Variants in DAB1 observed in about 807,000 individuals in gnomAD.
DAB1 encodes the protein DAB adaptor protein 1.
In DAB1, 15 loss-of-function variants were observed where a neutral mutation model predicts 64.6. That is an observed-to-expected ratio of 0.23 (90% CI 0.16 to 0.36). DAB1 has a LOEUF of 0.36. Ranked by LOEUF, DAB1 falls within the 10% of genes least tolerant of loss-of-function variation. DAB1 has a pLI of 1.00. For missense variants in DAB1, 596 were observed against 706.7 expected (o/e 0.84, Z 1.78); for synonymous variants, 235 against 251.9 (o/e 0.93, Z 0.64).
intron 1 of DAB1, among the ~76,000 whole-genome samples, chr1:57,361,231 A>G (rs74763117): frequency 0.083 from 12,712 of 152,252 alleles, 592 homozygotes; most frequent in Middle Eastern, 0.12. Context: ...GAATGTACTC[A>G]GTGTCTGGAT....
chr1:57,658,800 C>A (rs780390892), intron 6 of DAB1, among the ~76,000 whole-genome samples: 18 of 152,106 alleles, frequency 1.2e-4, no homozygotes, highest in Non-Finnish European at 2.4e-4. Flanking sequence ...CAACTCCTGG[C>A]CCCAAGCAGA....
intron 3 of DAB1, among the ~76,000 whole-genome samples, chr1:58,473,103 A>G (rs1241148667): frequency 3.9e-5 from 6 of 152,226 alleles, no homozygotes; most frequent in Non-Finnish European, 7.3e-5. Flanking sequence ...CAAACCATCC[A>G]ACCAGCCAGA....
At chr1:57,477,724 G>A (rs971377886) in intron 7 of DAB1, among the ~76,000 whole-genome samples, 4 of 152,226 alleles carry the variant, frequency 2.6e-5, no homozygotes, top group Middle Eastern at 3.4e-3. Context: ...TTAAGGGTTG[G>A]GGCGATCACT....
At chr1:57,036,380 A>G (rs79306862) in intron 9 of DAB1, among the ~76,000 whole-genome samples, 88 of 152,004 alleles carry the variant, frequency 5.8e-4, no homozygotes, top group Non-Finnish European at 1.1e-3. Context: ...TTACTGTTCT[A>G]ACTCTGGCTC....
intron 2 of DAB1, among the ~76,000 whole-genome samples, chr1:57,265,661 G>T (rs554156129): frequency 1.3e-5 from 2 of 152,256 alleles, no homozygotes; most frequent in South Asian, 4.1e-4. Flanking sequence ...TCTCATTGTA[G>T]ATTAATTTTG....
At chr1:57,558,141 G>A (rs893063054) in intron 7 of DAB1, among the ~76,000 whole-genome samples, 9 of 152,146 alleles carry the variant, frequency 5.9e-5, no homozygotes, top group Admixed American at 5.9e-4. Flanking sequence ...GATGAAGCTG[G>A]GGACACTGAG....
chr1:58,376,195 T>C (rs1377400842), intron 3 of DAB1, among the ~76,000 whole-genome samples: 2 of 149,932 alleles, frequency 1.3e-5, no homozygotes, highest in Non-Finnish European at 3.0e-5. Context: ...CTGCTCTGAT[T>C]TTAGTTATTT....
chr1:57,639,895 T>C (rs1031583076), intron 7 of DAB1, among the ~76,000 whole-genome samples: 1 of 152,194 alleles, frequency 6.6e-6, no homozygotes, highest in South Asian at 2.1e-4. Context: ...GCCATCTTTC[T>C]AAAATTGTAA....
intron 2 of DAB1, among the ~76,000 whole-genome samples, chr1:57,257,718 A>G (rs992419076): frequency 6.6e-6 from 1 of 152,218 alleles, no homozygotes; most frequent in Non-Finnish European, 1.5e-5. Context: ...ACGTTAAGTT[A>G]TCATGAGGGC....
At chr1:57,406,074 C>T (rs1683612768) in intron 1 of DAB1, among the ~76,000 whole-genome samples, 1 of 152,194 alleles carries the variant, frequency 6.6e-6, no homozygotes. Flanking sequence ...CTGGGACTCC[C>T]CATATGTGAT....
chr1:58,201,142 G>A (rs953724696), intron 4 of DAB1, among the ~76,000 whole-genome samples: 2 of 151,362 alleles, frequency 1.3e-5, no homozygotes, highest in African/African-American at 4.9e-5. Flanking sequence ...TCAGCCTCCC[G>A]AGTAACTGGG....
chr1:58,284,971 T>C (rs1035133117), intron 4 of DAB1, among the ~76,000 whole-genome samples: 3 of 152,228 alleles, frequency 2.0e-5, no homozygotes, highest in Non-Finnish European at 2.9e-5. Flanking sequence ...ATATATCTGC[T>C]TCCCATTCTC....
chr1:58,423,942 G>A (rs775034355), intron 3 of DAB1, among the ~76,000 whole-genome samples: 1 of 152,158 alleles, frequency 6.6e-6, no homozygotes, highest in Non-Finnish European at 1.5e-5. Context: ...CAGCCCCAAG[G>A]AAAGGATCTA....
intron 7 of DAB1, among the ~76,000 whole-genome samples, chr1:57,439,425 C>CTTTTTTTT (rs71051230): frequency 3.1e-5 from 3 of 97,986 alleles, no homozygotes; most frequent in Non-Finnish European, 5.6e-5. Context: ...GAGGTTTTTT[C>CTTTTTTTT]TTTTTTTTTT....
At chr1:58,458,243 C>T (rs896783282) in intron 3 of DAB1, among the ~76,000 whole-genome samples, 1 of 152,186 alleles carries the variant, frequency 6.6e-6, no homozygotes, top group Non-Finnish European at 1.5e-5. Flanking sequence ...CCATATCAGA[C>T]CGACAGAACA....
chr1:57,930,298 AC>A (rs1644936057), intron 5 of DAB1, among the ~76,000 whole-genome samples: 1 of 152,214 alleles, frequency 6.6e-6, no homozygotes, highest in Non-Finnish European at 1.5e-5. Flanking sequence ...TTATAGTAAG[AC>A]TGGAAGTTGA....
intron 5 of DAB1, among the ~76,000 whole-genome samples, chr1:58,116,156 AAGCTTT>A (rs1014649009): frequency 6.6e-6 from 1 of 152,180 alleles, no homozygotes; most frequent in Non-Finnish European, 1.5e-5. Flanking sequence ...AATTCTAAGA[AAGCTTT>A]AGCTTTAGCT....
chr1:57,008,173 G>A (rs1248049498), intron 14 of DAB1, among the ~76,000 whole-genome samples: 1 of 152,174 alleles, frequency 6.6e-6, no homozygotes, highest in Non-Finnish European at 1.5e-5. Flanking sequence ...CCATTTTTTG[G>A]CAGTGAGCTG....
At chr1:58,059,396 G>A (rs1648347139) in intron 5 of DAB1, among the ~76,000 whole-genome samples, 1 of 152,184 alleles carries the variant, frequency 6.6e-6, no homozygotes, top group Admixed American at 6.5e-5. Context: ...AATTGAATGA[G>A]GTAACAGGCA....
Sources: allele counts gnomAD v4.1 joint callset (sites outside exome capture counted in the v4.1 genomes callset), GRCh38; gene constraint gnomAD v4.1.1; transcripts MANE v1.5; gene names NCBI Gene and HGNC (gene_info 2026-07-23, HGNC 2026-07-21).